UVRAG: variants seen among roughly 807,000 people sequenced by gnomAD.
The protein encoded by UVRAG is UV radiation resistance-associated gene protein.
UVRAG carries 19 observed loss-of-function variants against 78.0 expected under a neutral mutation model. The ratio of observed to expected loss-of-function variants is 0.24; its 90% CI spans 0.17 to 0.36. The LOEUF (loss-of-function observed/expected upper bound fraction) is 0.36, where lower values mean the gene tolerates loss of function less well. UVRAG is among the 10% of genes least tolerant of loss of function. The pLI is 1.00. For synonymous variants in UVRAG, 323 were observed against 324.6 expected, an observed-to-expected ratio of 1.00 and a Z score of 0.05; for missense variants, 740 against 853.8, an observed-to-expected ratio of 0.87 and a Z score of 1.66.
chr11:76,109,115 A>G (rs958052197), intron 13 of UVRAG, among the ~76,000 whole-genome samples: 2 of 152,200 alleles, frequency 1.3e-5, no homozygotes, highest in African/African-American at 4.8e-5. Flanking sequence ...ACCCAAAGCA[A>G]TATTTTATTT....
At chr11:76,098,007 C>T (rs1951816862) in intron 13 of UVRAG, among the ~76,000 whole-genome samples, 1 of 151,948 alleles carries the variant, frequency 6.6e-6, no homozygotes, top group Admixed American at 6.6e-5. Flanking sequence ...TTCTTATCTT[C>T]AAAACGCTGT....
intron 12 of UVRAG, among the ~76,000 whole-genome samples, chr11:76,017,912 G>GA (rs760042937): frequency 6.6e-6 from 1 of 152,014 alleles, no homozygotes; most frequent in Non-Finnish European, 1.5e-5. Flanking sequence ...ATTTCAAAAA[G>GA]AAACATGGAA....
In UVRAG at chr11:75,925,199, G is replaced by C. The variant is rs188037702; in HGVS notation, c.593+13160G>C. Among the ~76,000 whole-genome samples the C allele has an allele frequency of 2.6e-5, 4 of 152,266 alleles. No homozygotes were observed. In the East Asian group the frequency reaches 7.7e-4, roughly 29 times the overall value. ...CCCGCTGGTGCCAGGCATGTTCCAA[G>C]GCAGCATTCCAAGGTTTAGTGATTT... On this transcript the variant is annotated intron_variant, in intron 6 of 14. Coordinates refer to ENST00000356136, the MANE Select transcript of UVRAG (RefSeq NM_003369.4).
chr11:75,836,026 G>A (rs547451114), intron 1 of UVRAG, among the ~76,000 whole-genome samples: 21 of 151,958 alleles, frequency 1.4e-4, no homozygotes, highest in Non-Finnish European at 2.5e-4. Context: ...GCTTGAACCC[G>A]GGAGGCGGAG....
chr11:75,965,248 T>G (rs1948995370), intron 7 of UVRAG, among the ~76,000 whole-genome samples: 1 of 152,224 alleles, frequency 6.6e-6, no homozygotes, highest in African/African-American at 2.4e-5. Flanking sequence ...TTACTTAGAT[T>G]TCTCTCTAAT....
chr11:76,054,150 C>T (rs1950933623), intron 12 of UVRAG, among the ~76,000 whole-genome samples: 1 of 152,024 alleles, frequency 6.6e-6, no homozygotes, highest in South Asian at 2.1e-4. Flanking sequence ...TGTTTAATTT[C>T]ACCCGTAATT....
intron 12 of UVRAG, among the ~76,000 whole-genome samples, chr11:76,034,283 C>T (rs1950488815): frequency 6.6e-6 from 1 of 152,098 alleles, no homozygotes; most frequent in African/African-American, 2.4e-5. Context: ...CTTTGACCTC[C>T]TGGTCTCAAG....
chr11:76,118,800 G>A (rs1479765094), intron 14 of UVRAG, among the ~76,000 whole-genome samples: 1 of 152,124 alleles, frequency 6.6e-6, no homozygotes, highest in East Asian at 1.9e-4. Context: ...TCTGATTTTG[G>A]TTAGAATTGA....
intron 11 of UVRAG, among the ~76,000 whole-genome samples, chr11:76,011,105 T>C (rs1309846055): frequency 1.3e-5 from 2 of 152,176 alleles, no homozygotes; most frequent in African/African-American, 4.8e-5. Flanking sequence ...TAGTTTTTCA[T>C]AGCTTTTGTA....
intron 12 of UVRAG, among the ~76,000 whole-genome samples, chr11:76,041,378 G>C (rs1242486500): frequency 6.6e-6 from 1 of 152,210 alleles, no homozygotes; most frequent in Non-Finnish European, 1.5e-5. Flanking sequence ...CTGCTGCGTG[G>C]AACCCCAGAG....
intron 6 of UVRAG, among the ~76,000 whole-genome samples, chr11:75,947,548 G>C (rs760063627): frequency 2.6e-5 from 4 of 152,174 alleles, no homozygotes; most frequent in African/African-American, 4.8e-5. Flanking sequence ...ACTGAGCTTG[G>C]ACACATATAT....
At chr11:75,968,430 T>C in intron 7 of UVRAG, among the ~76,000 whole-genome samples, 1 of 152,208 alleles carries the variant, frequency 6.6e-6, no homozygotes, top group East Asian at 1.9e-4. Flanking sequence ...TTTGATGCAT[T>C]AGAAAGGAAG....
At chr11:75,916,946 A>ATGGT (rs1379896128) in intron 6 of UVRAG, among the ~76,000 whole-genome samples, 9 of 152,214 alleles carry the variant, frequency 5.9e-5, no homozygotes, top group African/African-American at 1.9e-4. Context: ...CTCAAGCACC[A>ATGGT]GTCTTAGATT....
chr11:75,826,889 A>C (rs994253173), intron 1 of UVRAG, among the ~76,000 whole-genome samples: 1 of 152,124 alleles, frequency 6.6e-6, no homozygotes. Flanking sequence ...ACTCCAGTAT[A>C]GTGTGCTTAT....
chr11:76,139,990 T>TA (rs201740692), intron 14 of UVRAG, among the ~76,000 whole-genome samples: 2,221 of 141,950 alleles, frequency 0.016, 84 homozygotes, highest in African/African-American at 0.054. Flanking sequence ...GTTTTTCATT[T>TA]TAAAAAAAAA....
chr11:75,941,255 A>G (rs535667774), intron 6 of UVRAG, among the ~76,000 whole-genome samples: 6 of 152,208 alleles, frequency 3.9e-5, no homozygotes, highest in East Asian at 3.9e-4. Flanking sequence ...GATGAAACCA[A>G]CTGTTTCTGT....
At chr11:75,956,425 C>T (rs1379437612) in intron 6 of UVRAG, among the ~76,000 whole-genome samples, 5 of 141,016 alleles carry the variant, frequency 3.5e-5, no homozygotes, top group South Asian at 2.2e-4. Context: ...CTTGCTCTGT[C>T]GCCAGGCTGG....
chr11:75,884,576 C>T (rs1030488978), intron 4 of UVRAG, among the ~76,000 whole-genome samples: 4 of 151,916 alleles, frequency 2.6e-5, no homozygotes, highest in Admixed American at 6.6e-5. Context: ...CATCAATGAT[C>T]CATTTTGAAT....
intron 12 of UVRAG, among the ~76,000 whole-genome samples, chr11:76,059,091 G>C (rs1399787636): frequency 2.6e-5 from 4 of 152,178 alleles, no homozygotes; most frequent in Admixed American, 2.6e-4. Context: ...GAAGTGACAT[G>C]ATAAGAGGTC....
Sources: gnomAD v4.1 joint callset for allele counts (sites outside exome capture counted in the v4.1 genomes callset) on GRCh38, gnomAD v4.1.1 for gene constraint, MANE v1.5 for transcripts, NCBI Gene and HGNC (gene_info 2026-07-23, HGNC 2026-07-21) for gene names.